XRN1: variants seen among roughly 807,000 people sequenced by gnomAD.
The protein encoded by XRN1 is strand-exchange protein 1 homolog.
Under a neutral mutation model 222.3 loss-of-function variants are expected in XRN1, and 67 were observed. The observed-to-expected ratio is 0.30, with a 90% CI of 0.25 to 0.37. The LOEUF (loss-of-function observed/expected upper bound fraction) is 0.37. Ranked by LOEUF, XRN1 falls within the 10% of genes least tolerant of loss-of-function variation. The pLI is 1.00. For missense variants in XRN1, 1,707 were observed against 2,000.2 expected, an observed-to-expected ratio of 0.85 and a Z score of 2.80; for synonymous variants, 643 against 652.4, an observed-to-expected ratio of 0.99 and a Z score of 0.22.
intron 20 of XRN1, among the ~76,000 whole-genome samples, chr3:142,392,726 G>GC (rs1314856378): frequency 1.3e-5 from 2 of 151,714 alleles, no homozygotes; most frequent in Non-Finnish European, 1.5e-5. Flanking sequence ...GTCTATCATT[G>GC]TTGGACATTT....
chr3:142,395,690 T>C (rs1446587189), intron 20 of XRN1, among the ~76,000 whole-genome samples: 1 of 152,240 alleles, frequency 6.6e-6, no homozygotes, highest in African/African-American at 2.4e-5. Context: ...GCTAAATCTC[T>C]TCAAAATATA....
chr3:142,376,166 A>G (rs2067138297), intron 24 of XRN1: 1 of 784,912 alleles, frequency 1.3e-6, no homozygotes, highest in South Asian at 2.5e-5. Flanking sequence ...CAAAGCATGT[A>G]AATAAATTAT....
chr3:142,391,969 T>G (rs2067741353), intron 20 of XRN1, among the ~76,000 whole-genome samples: 1 of 152,028 alleles, frequency 6.6e-6, no homozygotes, highest in Non-Finnish European at 1.5e-5. Context: ...CATCACTTTC[T>G]CCATGATGTC....
intron 2 of XRN1, among the ~76,000 whole-genome samples, chr3:142,431,885 T>A (rs190662273): frequency 1.6e-3 from 40 of 25,436 alleles, no homozygotes; most frequent in Non-Finnish European, 1.9e-3. Context: ...TTATATATAT[T>A]ATATATAATA....
At chr3:142,314,543 T>C (rs1278373556) in intron 39 of XRN1, among the ~76,000 whole-genome samples, 5 of 152,046 alleles carry the variant, frequency 3.3e-5, no homozygotes, top group Non-Finnish European at 7.4e-5. Context: ...TTTTATAAGT[T>C]ACGGTGATAC....
intron 37 of XRN1, among the ~76,000 whole-genome samples, chr3:142,319,525 AT>A (rs1386790543): frequency 6.6e-6 from 1 of 151,940 alleles, no homozygotes; most frequent in Non-Finnish European, 1.5e-5. Flanking sequence ...GTTTACCTTA[AT>A]TTTTTTTAAA....
In XRN1 at chr3:142,357,076, C is replaced by T; in HGVS notation, c.3508G>A (p.Val1170Met). Residue 1170 changes from valine to methionine, a missense_variant, in exon 31 of 41, where the codon GTG becomes ATG. Coordinates refer to ENST00000392981, the MANE Select transcript of XRN1 (RefSeq NM_001282857.2). ...RGYRLPTSAL[V>M]NLSHGSRSET... Reference sequence around the variant, plus strand: ...GAGCGACTCCCATGAGAAAGGTTCACCAAGGCACTTGTTGGCAGTCGATAA... The same window carrying T: ...GAGCGACTCCCATGAGAAAGGTTCATCAAGGCACTTGTTGGCAGTCGATAA... 1 of 1,613,666 alleles carries T rather than the reference C, an allele frequency of 6.2e-7. No homozygotes were observed.
intron 33 of XRN1, among the ~76,000 whole-genome samples, chr3:142,345,952 A>T (rs2066132915): frequency 6.6e-6 from 1 of 152,234 alleles, no homozygotes; most frequent in Non-Finnish European, 1.5e-5. Flanking sequence ...TAAAATGGTA[A>T]TATCCAAACA....
At chr3:142,382,546 C>T (rs1236951617) in intron 22 of XRN1, among the ~76,000 whole-genome samples, 1 of 152,152 alleles carries the variant, frequency 6.6e-6, no homozygotes, top group African/African-American at 2.4e-5. Context: ...TCCCACCATT[C>T]TTCTGAGCAC....
chr3:142,386,137 A>T (rs2067489413), intron 20 of XRN1, among the ~76,000 whole-genome samples: 1 of 152,040 alleles, frequency 6.6e-6, no homozygotes, highest in African/African-American at 2.4e-5. Flanking sequence ...TTTTCTAAAA[A>T]TTTATTAGAA....
chr3:142,350,313 A>G (rs961141396), intron 32 of XRN1, among the ~76,000 whole-genome samples: 1 of 152,138 alleles, frequency 6.6e-6, no homozygotes, highest in Admixed American at 6.5e-5. Context: ...GAGAGAGAGT[A>G]TTCCAGACAA....
intron 39 of XRN1, among the ~76,000 whole-genome samples, chr3:142,318,118 TTAAA>T (rs1321988469): frequency 2.6e-5 from 4 of 152,152 alleles, no homozygotes; most frequent in Non-Finnish European, 5.9e-5. Context: ...TTTTCTAAAC[TTAAA>T]TAAATTATTG....
chr3:142,349,116 C>T (rs1004389281), intron 32 of XRN1, among the ~76,000 whole-genome samples: 1 of 151,862 alleles, frequency 6.6e-6, no homozygotes, highest in Non-Finnish European at 1.5e-5. Context: ...CTATGCCTGG[C>T]TAATTTTCGT....
intron 33 of XRN1, among the ~76,000 whole-genome samples, chr3:142,344,455 G>A (rs2066083643): frequency 6.6e-6 from 1 of 152,092 alleles, no homozygotes; most frequent in Non-Finnish European, 1.5e-5. Context: ...ACTAGCTGTT[G>A]TAAACACAGC....
At chr3:142,403,547 T>C (rs1022568058) in intron 18 of XRN1, 127 bp downstream of exon 18, 1 of 764,862 alleles carries the variant, frequency 1.3e-6, no homozygotes, top group Middle Eastern at 3.6e-4. Context: ...GTTTCTTTGC[T>C]TCATCCTTAT....
intron 37 of XRN1, among the ~76,000 whole-genome samples, chr3:142,326,416 C>G (rs1383617893): frequency 7.2e-5 from 11 of 151,938 alleles, no homozygotes; most frequent in Admixed American, 4.6e-4. Context: ...TTATTTGTAG[C>G]TATTCTGCAG....
intron 22 of XRN1, among the ~76,000 whole-genome samples, chr3:142,382,225 T>TA (rs143744835): frequency 1.3e-4 from 20 of 149,656 alleles, no homozygotes; most frequent in East Asian, 3.9e-4. Flanking sequence ...GCTCCTGATT[T>TA]AAAAAAAAAA....
intron 1 of XRN1, among the ~76,000 whole-genome samples, chr3:142,439,835 C>T (rs114797059): frequency 3.9e-5 from 6 of 152,108 alleles, no homozygotes; most frequent in South Asian, 4.2e-4. Flanking sequence ...CTGGGCAAAT[C>T]GAATGCCTAA....
At chr3:142,365,234 T>C in intron 28 of XRN1, 55 bp from the exon 29 acceptor site, 2 of 1,582,112 alleles carry the variant, frequency 1.3e-6, no homozygotes, top group African/African-American at 1.4e-5. Context: ...CATACTAATA[T>C]ACTGAAAACA....
Sources: gnomAD v4.1 joint callset for allele counts (sites outside exome capture counted in the v4.1 genomes callset) on GRCh38, gnomAD v4.1.1 for gene constraint, MANE v1.5 for transcripts, NCBI Gene and HGNC (gene_info 2026-07-23, HGNC 2026-07-21) for gene names.